The following GALNT13 variants were observed in gnomAD, a reference collection of about 807,000 sequenced individuals.
GALNT13 encodes the protein UDP-GalNAc:polypeptide N-acetylgalactosaminyltransferase 13.
A neutral mutation model predicts 64.2 loss-of-function variants in GALNT13; 28 were observed. The ratio of observed to expected loss-of-function variants is 0.44; its 90% confidence interval spans 0.32 to 0.60. The LOEUF is 0.60. Among genes scored for constraint, GALNT13 ranks in the 20% least tolerant of loss-of-function variants. The pLI, the probability that GALNT13 is intolerant of heterozygous loss-of-function variation, is 0.05. For missense variants in GALNT13, 577 were observed against 669.8 expected (o/e 0.86, Z 1.53); for synonymous variants, 214 against 224.6 (o/e 0.95, Z 0.42).
At chr2:154,337,595 T>C (rs1345360242) in intron 9 of GALNT13, among the ~76,000 whole-genome samples, 2 of 152,228 alleles carry the variant, frequency 1.3e-5, no homozygotes, top group East Asian at 1.9e-4. Flanking sequence ...CAGCTTTTGT[T>C]GTATGAATAT....
rs985196015 is a variant in GALNT13, at chr2:154,017,482, A to C, written c.142+72843A>C. ...ACTCTTTGAAAATTACACGATAAGT[A>C]CACCACTTTAGTACTTACTTAAAAT... is the stretch of plus-strand genomic sequence containing the variant. On this transcript the variant is annotated intron_variant, in intron 3 of 12. Coordinates refer to ENST00000392825, the MANE Select transcript of GALNT13 (RefSeq NM_052917.4). Among the ~76,000 whole-genome samples the C allele has an allele frequency of 3.3e-5, 5 of 152,294 alleles. 1 individual carries two copies. The highest frequency in any genetic ancestry group is 7.4e-5 in the Non-Finnish European group (5 of 68,016).
intron 3 of GALNT13, among the ~76,000 whole-genome samples, chr2:154,010,189 C>T (rs1344876453): frequency 6.6e-6 from 1 of 152,010 alleles, no homozygotes; most frequent in Non-Finnish European, 1.5e-5. Flanking sequence ...TAAGACGCTT[C>T]CATCTTTTGC....
chr2:153,794,524 CTTT>C, the GALNT13 span, among the ~76,000 whole-genome samples: 1 of 146,304 alleles, frequency 6.8e-6, no homozygotes, highest in Admixed American at 6.9e-5. Flanking sequence ...ATTAGAATAA[CTTT>C]TTTTTTTTTT....
intron 4 of GALNT13, among the ~76,000 whole-genome samples, chr2:154,221,083 C>T (rs1688299143): frequency 1.3e-5 from 2 of 151,914 alleles, no homozygotes; most frequent in African/African-American, 2.4e-5. Context: ...TACCACTTAC[C>T]AATATATTAA....
chr2:154,265,191 C>A (rs1308775499), intron 8 of GALNT13, among the ~76,000 whole-genome samples: 1 of 151,658 alleles, frequency 6.6e-6, no homozygotes, highest in African/African-American at 2.4e-5. Context: ...ATAAACTTGA[C>A]AACTTAGATA....
At chr2:154,438,019 T>C (rs992023914) in intron 11 of GALNT13, among the ~76,000 whole-genome samples, 5 of 152,270 alleles carry the variant, frequency 3.3e-5, no homozygotes, top group African/African-American at 1.2e-4. Flanking sequence ...GAAGAATTGA[T>C]GTAGTTAAGC....
intron 9 of GALNT13, among the ~76,000 whole-genome samples, chr2:154,385,653 G>A (rs1698477750): frequency 6.6e-6 from 1 of 151,934 alleles, no homozygotes; most frequent in Non-Finnish European, 1.5e-5. Flanking sequence ...ATCCAAAAGT[G>A]CTTACTATGT....
chr2:154,193,061 G>A (rs1301812922), intron 4 of GALNT13, among the ~76,000 whole-genome samples: 2 of 152,168 alleles, frequency 1.3e-5, no homozygotes, highest in Non-Finnish European at 1.5e-5. Flanking sequence ...ATTAGTGTGT[G>A]TTTGTGTGTC....
At chr2:153,710,571 G>A in the GALNT13 span, among the ~76,000 whole-genome samples, 5 of 151,946 alleles carry the variant, frequency 3.3e-5, no homozygotes, top group African/African-American at 1.2e-4. Context: ...TCCAAACTGT[G>A]TATATTAACC....
intron 4 of GALNT13, among the ~76,000 whole-genome samples, chr2:154,236,481 A>G (rs1489056216): frequency 6.6e-6 from 1 of 152,124 alleles, no homozygotes; most frequent in Non-Finnish European, 1.5e-5. Flanking sequence ...AGCCAAGATT[A>G]AGAGCCACAG....
intron 8 of GALNT13, among the ~76,000 whole-genome samples, chr2:154,278,353 G>T (rs1691772593): frequency 6.6e-6 from 1 of 152,096 alleles, no homozygotes; most frequent in African/African-American, 2.4e-5. Context: ...CTCAGGAACT[G>T]CAAGATTTCT....
At chr2:154,225,137 T>TAGATAGATAGATGAC (rs1688530430) in intron 4 of GALNT13, among the ~76,000 whole-genome samples, 2 of 130,342 alleles carry the variant, frequency 1.5e-5, no homozygotes, top group Non-Finnish European at 3.3e-5. Context: ...GATAGATAGA[T>TAGATAGATAGATGAC]AGATAGATGA....
the GALNT13 span, among the ~76,000 whole-genome samples, chr2:153,273,987 G>A: frequency 6.6e-6 from 1 of 152,206 alleles, no homozygotes; most frequent in South Asian, 2.1e-4. Context: ...GACTCCTTAG[G>A]AATGTTCAGC....
chr2:153,336,238 G>T, the GALNT13 span, among the ~76,000 whole-genome samples: 1 of 151,802 alleles, frequency 6.6e-6, no homozygotes, highest in Non-Finnish European at 1.5e-5. Context: ...GCCTAGTGGA[G>T]CTGTGGGAAG....
the GALNT13 span, among the ~76,000 whole-genome samples, chr2:153,813,540 G>A: frequency 2.0e-5 from 3 of 149,190 alleles, no homozygotes; most frequent in East Asian, 1.9e-4. Flanking sequence ...TTTTTTTTCT[G>A]TCATCAGAGG....
chr2:153,681,992 A>C, the GALNT13 span, among the ~76,000 whole-genome samples: 12 of 151,718 alleles, frequency 7.9e-5, no homozygotes, highest in African/African-American at 2.7e-4. Flanking sequence ...GATGGTGTGA[A>C]TCTTTCTATT....
intron 9 of GALNT13, among the ~76,000 whole-genome samples, chr2:154,379,683 C>G (rs1324590604): frequency 6.6e-6 from 1 of 152,002 alleles, no homozygotes; most frequent in Admixed American, 6.6e-5. Context: ...TATTGTCAAA[C>G]AGAAATCTAT....
At chr2:153,442,915 C>T in the GALNT13 span, among the ~76,000 whole-genome samples, 1 of 152,114 alleles carries the variant, frequency 6.6e-6, no homozygotes, top group East Asian at 1.9e-4. Flanking sequence ...CTCGAGTGTC[C>T]CTGGTTGACT....
chr2:153,771,579 T>C, the GALNT13 span, among the ~76,000 whole-genome samples: 1 of 152,130 alleles, frequency 6.6e-6, no homozygotes, highest in Non-Finnish European at 1.5e-5. Context: ...AGGTGAGTGT[T>C]TACTTCGATT....
Sources: gnomAD v4.1 joint callset for allele counts (sites outside exome capture counted in the v4.1 genomes callset) on GRCh38, gnomAD v4.1.1 for gene constraint, MANE v1.5 for transcripts, NCBI Gene and HGNC (gene_info 2026-07-23, HGNC 2026-07-21) for gene names.